The following MTA3 variants were observed in gnomAD, a reference collection of about 807,000 sequenced individuals.
MTA3 encodes metastasis-associated protein MTA3.
MTA3 carries 34 observed loss-of-function variants against 83.5 expected under a neutral mutation model. That is an observed-to-expected ratio of 0.41 (90% CI 0.31 to 0.54). The LOEUF (loss-of-function observed/expected upper bound fraction) is 0.54. Among genes scored for constraint, MTA3 ranks in the 20% least tolerant of loss-of-function variants. The pLI, the probability that MTA3 is intolerant of heterozygous loss-of-function variation, is 0.33. For missense variants in MTA3, 761 were observed against 726.4 expected (o/e 1.05, Z -0.55); for synonymous variants, 303 against 252.7 (o/e 1.20, Z -1.89).
At chr2:42,728,590 C>T (rs1234638896) in intron 16 of MTA3, among the ~76,000 whole-genome samples, 1 of 152,146 alleles carries the variant, frequency 6.6e-6, no homozygotes, top group African/African-American at 2.4e-5. Flanking sequence ...TATGAGGGTT[C>T]CCTTTTCTCC....
At position 42,699,882 on chromosome 2, in the gene MTA3, T is replaced by C. The variant is rs544814397; in HGVS notation, c.1025+2048T>C. Among the ~76,000 whole-genome samples the C allele has an allele frequency of 4.6e-5, 7 of 152,246 alleles. No homozygotes were observed. In the East Asian group the frequency reaches 5.8e-4, roughly 13 times the overall value. ...CATACAATAATTATATTTGAAGCCA[T>C]AGATAAGATTTCTGAGGGATAGCAA... On this transcript the variant is annotated intron_variant, in intron 11 of 16. Transcript: ENST00000405094.
Position 42,632,212 on chromosome 2 carries a change from C to T in MTA3, c.318-7961C>T, listed in dbSNP as rs565126502. Among the ~76,000 whole-genome samples the T allele has an allele frequency of 4.0e-5, 6 of 151,488 alleles. No individual in the cohort carries two copies. The South Asian group carries it at 1.3e-3, about 32-fold the overall frequency. On this transcript the variant is annotated intron_variant, in intron 4 of 16. Transcript: ENST00000405094. The stretch of plus-strand genomic sequence containing the variant: ...TCACGCCATTCTCCTGCCTCAGCCT[C>T]CCAAGTAGCTGGGTTCTACAGGCGG...
intron 2 of MTA3, among the ~76,000 whole-genome samples, chr2:42,500,422 G>C (rs1023457480): frequency 5.3e-5 from 8 of 152,056 alleles, no homozygotes; most frequent in Non-Finnish European, 1.0e-4. Context: ...GCTGGGTGTG[G>C]TGGCACGTGC....
intron 8 of MTA3, among the ~76,000 whole-genome samples, chr2:42,672,066 AC>A (rs1276522392): frequency 1.3e-5 from 2 of 152,320 alleles, no homozygotes; most frequent in East Asian, 3.9e-4. Flanking sequence ...AGTTGTTTTC[AC>A]ATATTTGTCT....
intron 4 of MTA3, among the ~76,000 whole-genome samples, chr2:42,612,971 CA>C (rs1332730059): frequency 1.3e-5 from 2 of 152,138 alleles, no homozygotes; most frequent in African/African-American, 4.8e-5. Flanking sequence ...CTAAAAGACA[CA>C]AGTATATTTT....
intron 16 of MTA3, among the ~76,000 whole-genome samples, chr2:42,734,303 A>G (rs1424163232): frequency 6.6e-6 from 1 of 151,772 alleles, no homozygotes; most frequent in Non-Finnish European, 1.5e-5. Context: ...GTCTCTTTTT[A>G]TAGTTTTTGT....
chr2:42,574,647 C>T (rs1209599398), intron 2 of MTA3, among the ~76,000 whole-genome samples: 1 of 150,056 alleles, frequency 6.7e-6, no homozygotes, highest in Non-Finnish European at 1.5e-5. Context: ...CCATGTTGGC[C>T]AGGCTGGTCA....
intron 3 of MTA3, chr2:42,581,738 A>G: frequency 3.5e-6 from 1 of 287,192 alleles, no homozygotes; most frequent in South Asian, 3.0e-5. Context: ...GTATATGAAC[A>G]TAAATCAGAT....
rs957527710 is a variant in MTA3, at chr2:42,639,880, T to C, written c.318-293T>C. On this transcript the variant is annotated intron_variant, in intron 4 of 16. Coordinates refer to ENST00000405094, the MANE Select transcript of MTA3 (RefSeq NM_001330442.2). ...TCTGAAGTTCTCATTGTACTCTTTTTTTTTCTTGAATAAGTAGAAACTACC... is the reference window on the plus strand; with the variant it reads ...TCTGAAGTTCTCATTGTACTCTTTTCTTTTCTTGAATAAGTAGAAACTACC... 9.8e-5 allele frequency among the ~76,000 whole-genome samples: 15 copies of C among 152,304 alleles called. No homozygotes were observed. In the South Asian group the frequency reaches 2.9e-3, roughly 29 times the overall value.
At chr2:42,527,168 C>G (rs1558415461) in intron 2 of MTA3, among the ~76,000 whole-genome samples, 2 of 151,612 alleles carry the variant, frequency 1.3e-5, no homozygotes, top group Middle Eastern at 6.8e-3. Flanking sequence ...ACTTTTGGAG[C>G]TCACCTGAAC....
intron 12 of MTA3, among the ~76,000 whole-genome samples, chr2:42,705,906 A>G (rs550938336): frequency 6.6e-6 from 1 of 152,362 alleles, no homozygotes; most frequent in South Asian, 2.1e-4. Context: ...ACAGAGAGAT[A>G]GAACTTGATG....
chr2:42,692,701 A>G (rs1417124165), intron 9 of MTA3, among the ~76,000 whole-genome samples: 1 of 152,222 alleles, frequency 6.6e-6, no homozygotes, highest in Non-Finnish European at 1.5e-5. Flanking sequence ...CGCTGGGATT[A>G]CAGGCATGAG....
intron 3 of MTA3, among the ~76,000 whole-genome samples, chr2:42,597,236 T>C (rs545883662): frequency 6.8e-4 from 103 of 151,966 alleles, no homozygotes; most frequent in African/African-American, 2.0e-3. Flanking sequence ...TTATTATTAT[T>C]ATTATTTTTG....
chr2:42,548,816 T>TATATATATA lies in MTA3; in HGVS notation c.-140-21620_-140-21612dup, dbSNP rs1558428160. Reference sequence around the variant, plus strand: ...AGACCCTGTCTCAAAAAAAAATATATATATATATATATAATATATATATAT... The same window carrying TATATATATA: ...AGACCCTGTCTCAAAAAAAAATATATATATATATAATATATATATATAATATATATATAT... On this transcript the variant is annotated intron_variant, in intron 2 of 17. Coordinates refer to the MTA3 transcript ENST00000405592. Among the ~76,000 whole-genome samples the TATATATATA allele has an allele frequency of 6.4e-3, 223 of 35,050 alleles. 8 individuals are homozygous for TATATATATA. The highest frequency in any genetic ancestry group is 0.038 in the Middle Eastern group (2 of 52). 23.0% of individuals were successfully genotyped at this position (35,050 alleles called of 152,430 possible).
chr2:42,753,330 A>T, intron 16 of MTA3, 44 bp from the exon 17 acceptor site: 1 of 1,550,146 alleles, frequency 6.5e-7, no homozygotes, highest in Non-Finnish European at 8.7e-7. Context: ...TGCCTCCACC[A>T]TCGGGACTTG....
At chr2:42,514,604 A>G (rs557040167) in intron 2 of MTA3, among the ~76,000 whole-genome samples, 15 of 150,260 alleles carry the variant, frequency 1.0e-4, no homozygotes, top group Non-Finnish European at 1.6e-4. Flanking sequence ...AGCTGCTCTC[A>G]AACTCTTGAC....
At chr2:42,630,116 T>TCTAA (rs554798963) in intron 4 of MTA3, among the ~76,000 whole-genome samples, 109 of 152,278 alleles carry the variant, frequency 7.2e-4, no homozygotes, top group Non-Finnish European at 1.5e-3. Context: ...GCCTTATGAT[T>TCTAA]CTAATGTCAG....
chr2:42,749,811 T>A (rs1669732391), intron 16 of MTA3, among the ~76,000 whole-genome samples: 2 of 152,036 alleles, frequency 1.3e-5, no homozygotes, highest in African/African-American at 4.8e-5. Context: ...TTATCACTGT[T>A]ACTGGCTGGA....
intron 2 of MTA3, among the ~76,000 whole-genome samples, chr2:42,559,912 A>T (rs965898741): frequency 2.0e-5 from 3 of 150,824 alleles, no homozygotes; most frequent in Non-Finnish European, 4.4e-5. Flanking sequence ...AAAAAAAAAA[A>T]CTCCATTGGC....
Sources: gnomAD v4.1 joint callset for allele counts (sites outside exome capture counted in the v4.1 genomes callset) on GRCh38, gnomAD v4.1.1 for gene constraint, MANE v1.5 for transcripts, NCBI Gene and HGNC (gene_info 2026-07-23, HGNC 2026-07-21) for gene names.